NCAM2: variants seen among roughly 807,000 people sequenced by gnomAD.
The protein encoded by NCAM2 is neural cell adhesion molecule 2.
Under a neutral mutation model 98.1 loss-of-function variants are expected in NCAM2, and 30 were observed. That is an observed-to-expected ratio of 0.31 (90% CI 0.23 to 0.41). The LOEUF (loss-of-function observed/expected upper bound fraction) is 0.41, where lower values mean the gene tolerates loss of function less well. Among genes scored for constraint, NCAM2 ranks in the 10% least tolerant of loss-of-function variants. NCAM2 has a pLI of 1.00. For synonymous variants in NCAM2, 368 were observed against 342.4 expected, an observed-to-expected ratio of 1.07 and a Z score of -0.83; for missense variants, 867 against 1,005.8, an observed-to-expected ratio of 0.86 and a Z score of 1.87.
chr21:21,067,374 C>A (rs1481724480), intron 1 of NCAM2, among the ~76,000 whole-genome samples: 1 of 151,936 alleles, frequency 6.6e-6, no homozygotes, highest in Non-Finnish European at 1.5e-5. Flanking sequence ...ATGAATATTA[C>A]AAGTATAAAT....
chr21:21,102,672 T>TA (rs5842888), intron 1 of NCAM2, among the ~76,000 whole-genome samples: 152,110 of 152,112 alleles, frequency 1, 76,054 homozygotes, highest in Middle Eastern at 1. Flanking sequence ...TATGATTTTT[T>TA]AAAATTAATG....
intron 8 of NCAM2, among the ~76,000 whole-genome samples, chr21:21,357,913 G>T (rs565137652): frequency 5.5e-4 from 84 of 152,106 alleles, no homozygotes; most frequent in Non-Finnish European, 1.1e-3. Context: ...ACAATAATAT[G>T]TTTGTTCAGA....
chr21:21,382,517 A>ATT (rs36015235), intron 9 of NCAM2, among the ~76,000 whole-genome samples: 1 of 59,514 alleles, frequency 1.7e-5, no homozygotes, highest in Non-Finnish European at 3.6e-5. Context: ...TATTTCAGGG[A>ATT]TTTTTTTTTT....
chr21:21,528,928 T>C (rs76292713), intron 16 of NCAM2, among the ~76,000 whole-genome samples: 1,572 of 152,282 alleles, frequency 0.01, 33 homozygotes, highest in African/African-American at 0.036. Flanking sequence ...AAAGAAGTTA[T>C]ATACTTCAGC....
intron 14 of NCAM2, among the ~76,000 whole-genome samples, chr21:21,474,158 T>A (rs1175052924): frequency 2.0e-5 from 3 of 152,154 alleles, no homozygotes; most frequent in Non-Finnish European, 4.4e-5. Flanking sequence ...GAGTATTTGG[T>A]AACACCCACT....
At chr21:21,225,323 G>C (rs954483736) in intron 1 of NCAM2, among the ~76,000 whole-genome samples, 9 of 152,002 alleles carry the variant, frequency 5.9e-5, no homozygotes, top group African/African-American at 1.9e-4. Flanking sequence ...TAGGTAATGG[G>C]TTGATAGGTG....
chr21:21,145,214 G>C (rs2067246984), intron 1 of NCAM2, among the ~76,000 whole-genome samples: 1 of 152,074 alleles, frequency 6.6e-6, no homozygotes, highest in African/African-American at 2.4e-5. Flanking sequence ...TGAAGCCCAT[G>C]CTAATATGAA....
chr21:21,220,461 T>A (rs1331653164), intron 1 of NCAM2, among the ~76,000 whole-genome samples: 1 of 152,118 alleles, frequency 6.6e-6, no homozygotes, highest in East Asian at 1.9e-4. Context: ...ACAGCCTAGG[T>A]TTGTAGTACA....
chr21:21,046,139 C>G (rs571958686), intron 1 of NCAM2, among the ~76,000 whole-genome samples: 12 of 152,276 alleles, frequency 7.9e-5, no homozygotes, highest in African/African-American at 2.9e-4. Context: ...AAACTCTGAT[C>G]TCTATAGCTG....
At chr21:21,529,552 A>G (rs28537635) in intron 16 of NCAM2, among the ~76,000 whole-genome samples, 7,852 of 152,072 alleles carry the variant, frequency 0.052, 691 homozygotes, top group African/African-American at 0.18. Flanking sequence ...AGGTAACCAC[A>G]GTATACCCTT....
chr21:21,411,088 G>A (rs13050459), intron 10 of NCAM2, among the ~76,000 whole-genome samples: 5 of 15,970 alleles, frequency 3.1e-4, no homozygotes, highest in Non-Finnish European at 4.6e-4. Context: ...ATATATATAT[G>A]TGTGTATATA....
intron 15 of NCAM2, among the ~76,000 whole-genome samples, chr21:21,491,518 A>G (rs1986841706): frequency 6.6e-6 from 1 of 151,798 alleles, no homozygotes; most frequent in Non-Finnish European, 1.5e-5. Flanking sequence ...GAAATTTTGG[A>G]ATAATACTAT....
chr21:21,248,844 A>C (rs1465295259), intron 1 of NCAM2, among the ~76,000 whole-genome samples: 1 of 144,240 alleles, frequency 6.9e-6, no homozygotes, highest in Non-Finnish European at 1.5e-5. Flanking sequence ...TCTTTGGCAA[A>C]GTGCTTTGCT....
At chr21:21,407,975 G>T (rs1196332559) in intron 9 of NCAM2, among the ~76,000 whole-genome samples, 3 of 152,078 alleles carry the variant, frequency 2.0e-5, no homozygotes, top group African/African-American at 7.2e-5. Context: ...TTGAACTGTT[G>T]AATTAAAATT....
intron 1 of NCAM2, among the ~76,000 whole-genome samples, chr21:20,999,522 G>A (rs1302499566): frequency 6.6e-6 from 1 of 152,172 alleles, no homozygotes; most frequent in African/African-American, 2.4e-5. Flanking sequence ...GTCCAGACAA[G>A]TTTGGACGTT....
At chr21:21,510,753 A>G (rs233782) in intron 16 of NCAM2, among the ~76,000 whole-genome samples, 1 of 116,004 alleles carries the variant, frequency 8.6e-6, no homozygotes, top group Non-Finnish European at 2.2e-5. Context: ...ATATTTCTGC[A>G]TTTTTTGCTA....
rs546861317 is a variant in NCAM2 at position 21,112,324 on chromosome 21, T to A, written c.55+113706T>A. 2.0e-5 allele frequency among the ~76,000 whole-genome samples: 3 copies of A among 152,306 alleles called. No individual in the cohort carries two copies. The South Asian group carries it at 6.2e-4, about 32-fold the overall frequency. On this transcript the variant is annotated intron_variant, in intron 1 of 17. Coordinates refer to ENST00000400546, the MANE Select transcript of NCAM2 (RefSeq NM_004540.5). ...TTCTGCTCTGAATTCTGATTTTCGC[T>A]TAGAGAAATATTTTTCATCTCTGGA...
chr21:21,286,487 C>A, intron 4 of NCAM2, 75 bp downstream of exon 4: 1 of 1,455,452 alleles, frequency 6.9e-7, no homozygotes, highest in Admixed American at 2.2e-5. Flanking sequence ...ATCTATGTGT[C>A]TAGTTGTAGA....
rs1481544536 is a variant in NCAM2 at position 21,410,459 on chromosome 21, G to C, written c.1381G>C (p.Glu461Gln). The C allele has an allele frequency of 6.5e-7, 1 of 1,534,418 alleles. No homozygotes were observed. The highest frequency in any genetic ancestry group is 8.8e-7 in the Non-Finnish European group (1 of 1,138,220). The part of the protein sequence containing the change: ...TYSTGRKMIL[E>Q]IAPTSDNDFG... ...TAGTACAGGAAGAAAGATGATATTA[G>C]AGGTAAGTCCACATGTATACATCAA... Residue 461 changes from glutamate (E) to glutamine (Q), a missense_variant and splice_region_variant, in exon 10 of 18, where the codon GAG (glutamate) becomes CAG (glutamine). Coordinates refer to ENST00000400546, the MANE Select transcript of NCAM2 (RefSeq NM_004540.5).
Sources: allele counts gnomAD v4.1 joint callset (sites outside exome capture counted in the v4.1 genomes callset), GRCh38; gene constraint gnomAD v4.1.1; transcripts MANE v1.5; gene names NCBI Gene and HGNC (gene_info 2026-07-23, HGNC 2026-07-21).